Variants in RCN3 observed in about 807,000 individuals in gnomAD.
RCN3 encodes the protein reticulocalbin-3.
RCN3 carries 41 observed loss-of-function variants against 35.9 expected under a neutral mutation model. The observed-to-expected ratio is 1.14, with a 90% CI of 0.89 to 1.48. The LOEUF (loss-of-function observed/expected upper bound fraction) is 1.48, where lower values mean the gene tolerates loss of function less well. Among genes scored for constraint, RCN3 ranks in the 40% most tolerant of loss-of-function variants. The pLI is 0.00. For synonymous variants in RCN3, 187 were observed against 193.4 expected (o/e 0.97, Z 0.27); for missense variants, 451 against 471.3 (o/e 0.96, Z 0.40).
intron 2 of RCN3, among the ~76,000 whole-genome samples, chr19:49,532,017 G>A (rs1295144843): frequency 1.3e-5 from 2 of 151,026 alleles, no homozygotes; most frequent in African/African-American, 4.9e-5. Context: ...TAGCCAGGAT[G>A]GTCTAGATCT....
At chr19:49,534,960 CACA>C (rs1873915159) in intron 3 of RCN3, among the ~76,000 whole-genome samples, 1 of 152,112 alleles carries the variant, frequency 6.6e-6, no homozygotes, top group African/African-American at 2.4e-5. Flanking sequence ...CTCAGTGCCC[CACA>C]CCCTGCCACA....
At chr19:49,540,219 C>G (rs1237358916) in intron 5 of RCN3, among the ~76,000 whole-genome samples, 5 of 152,036 alleles carry the variant, frequency 3.3e-5, no homozygotes, top group African/African-American at 1.2e-4. Context: ...CTATATTGTC[C>G]AGGCTGGTCT....
chr19:49,536,990 T>C lies in RCN3; in HGVS notation c.446-43T>C, dbSNP rs764489326. The C allele has an allele frequency of 8.5e-5, 124 of 1,450,604 alleles. 1 individual carries two copies. Among genetic ancestry groups the C allele is most frequent in the Admixed American group, 1.3e-4 (5 of 39,922 alleles). The allele number at this position is 1,450,604 out of a possible 1,614,324, so 89.9% of individuals were successfully genotyped here. A position where few individuals can be genotyped will look rare whatever the true frequency, so the allele number is the denominator to read the frequency against. ...TCTTTGTTTTAACCTGCTTGGCGTT[T>C]CCTCCATTAAAGCTCATCTCACTGA... On this transcript the variant is annotated intron_variant, in intron 3 of 6. Transcript: ENST00000270645.
intron 2 of RCN3, among the ~76,000 whole-genome samples, chr19:49,532,787 C>T (rs934626057): frequency 3.9e-5 from 6 of 152,166 alleles, no homozygotes; most frequent in Admixed American, 2.6e-4. Context: ...CCAATTCTCC[C>T]GCGTCAGCCT....
At position 49,534,364 on chromosome 19, in the gene RCN3, G is replaced by A; in HGVS notation, c.414G>A (p.Leu138=). 2 of 1,537,642 alleles carry A rather than the reference G, an allele frequency of 1.3e-6. No homozygotes were observed. Among genetic ancestry groups the A allele is most frequent in the Non-Finnish European group, 1.7e-6 (2 of 1,143,446 alleles). The change falls in exon 3 of 7, where the codon CTG becomes CTA. Residue 138 remains leucine (L), a synonymous_variant. Transcript: ENST00000270645. ...ACGGGCGTGTGGGTTGGGAGGAGCTGCGCAACGCCACCTATGGCCACTACG... is the reference window on the plus strand; with the variant it reads ...ACGGGCGTGTGGGTTGGGAGGAGCTACGCAACGCCACCTATGGCCACTACG... ...DRDGRVGWEE[L]RNATYGHYAP... is the part of the protein sequence containing the mutation.
In RCN3 at chr19:49,533,668, G is replaced by A. The variant is rs78707188; in HGVS notation, c.243-525G>A. ...GCTCAGCACAGGGCAGGGCTGGAGG[G>A]AGAGGAGCCTGAAATTGACACGCGC... is the stretch of plus-strand genomic sequence containing the variant. On this transcript the variant is annotated intron_variant, in intron 2 of 6. Transcript: ENST00000270645. 4.3e-3 allele frequency among the ~76,000 whole-genome samples: 645 copies of A among 149,314 alleles called. 7 individuals are homozygous for A. In the East Asian group the frequency reaches 0.053, roughly 12 times the overall value.
At chr19:49,531,542 G>T (rs1449871737) in intron 2 of RCN3, among the ~76,000 whole-genome samples, 1 of 152,166 alleles carries the variant, frequency 6.6e-6, no homozygotes, top group East Asian at 1.9e-4. Flanking sequence ...CTGCGAGGTG[G>T]GGAACAGACT....
chr19:49,538,329 ATTT>A (rs759783862), intron 4 of RCN3, among the ~76,000 whole-genome samples: 117 of 137,424 alleles, frequency 8.5e-4, no homozygotes, highest in African/African-American at 2.5e-3. Flanking sequence ...TGCCCGGCTA[ATTT>A]TTTTTTTTTT....
intron 5 of RCN3, among the ~76,000 whole-genome samples, chr19:49,540,410 G>A (rs1487695855): frequency 2.0e-5 from 3 of 151,976 alleles, no homozygotes; most frequent in African/African-American, 7.2e-5. Flanking sequence ...GAGATGGATG[G>A]ATCATGAAGT....
intron 2 of RCN3, 118 bp downstream of exon 2, chr19:49,528,832 G>A: frequency 7.9e-7 from 1 of 1,264,246 alleles, no homozygotes; most frequent in Non-Finnish European, 1.0e-6. Flanking sequence ...TGTGAGAAAT[G>A]AAATTCTACC....
intron 2 of RCN3, among the ~76,000 whole-genome samples, chr19:49,532,053 G>A (rs1009342970): frequency 9.3e-5 from 14 of 150,070 alleles, no homozygotes; most frequent in African/African-American, 3.0e-4. Flanking sequence ...CACCCACCTC[G>A]GCCTCCCAAA....
chr19:49,528,764 G>T, intron 2 of RCN3, 50 bp downstream of exon 2: 1 of 1,474,190 alleles, frequency 6.8e-7, no homozygotes, highest in Non-Finnish European at 9.0e-7. Flanking sequence ...GCTTAGGAGA[G>T]AGACGCGGGG....
chr19:49,539,102 G>T lies in RCN3; in HGVS notation c.619-17G>T, dbSNP rs2080150692. 6.3e-7 allele frequency: 1 copy of T among 1,583,358 alleles called. No homozygotes were observed. ...AGGGTCATCGGCCCCCAGCCTCAAT[G>T]CCCCTTTCTCCTCCAGGAAACCCTG... On this transcript the variant is annotated splice_polypyrimidine_tract_variant and intron_variant, in intron 4 of 6. Coordinates refer to ENST00000270645, the MANE Select transcript of RCN3 (RefSeq NM_020650.3).
Position 49,542,655 on chromosome 19 carries a change from T to A in RCN3, c.782T>A (p.Leu261Gln). The change falls in exon 6 of 7, where the codon CTG (leucine) becomes CAG (glutamine). Residue 261 changes from leucine to glutamine, a missense_variant. Leu to Gln is a moderately radical substitution (Grantham distance 113). Coordinates refer to ENST00000270645, the MANE Select transcript of RCN3 (RefSeq NM_020650.3). ...DFRDLNKDGH[L>Q]DGSEVGHWVL... ...CGGGATCTGAACAAGGATGGGCACCTGGATGGGAGTGAGGTGGGCCACTGG... is the reference window on the plus strand; with the variant it reads ...CGGGATCTGAACAAGGATGGGCACCAGGATGGGAGTGAGGTGGGCCACTGG... The A allele has an allele frequency of 6.2e-7, 1 of 1,602,978 alleles. No individual in the cohort carries two copies. Among genetic ancestry groups the A allele is most frequent in the Non-Finnish European group, 8.5e-7 (1 of 1,175,946 alleles).
chr19:49,530,326 ATTTTTTT>A (rs774074543), intron 2 of RCN3, among the ~76,000 whole-genome samples: 2 of 132,068 alleles, frequency 1.5e-5, no homozygotes, highest in African/African-American at 5.6e-5. Context: ...CGCCCAGCTA[ATTTTTTT>A]TTTTTTTTTT....
At chr19:49,531,719 G>A (rs1205955220) in intron 2 of RCN3, among the ~76,000 whole-genome samples, 1 of 152,046 alleles carries the variant, frequency 6.6e-6, no homozygotes, top group Admixed American at 6.6e-5. Context: ...AGAAATGGAG[G>A]AAGAAGGGCA....
At position 49,528,598 on chromosome 19, in the gene RCN3, C is replaced by A; in HGVS notation, c.126C>A (p.Asp42Glu). ...GRVHQAAPLS[D>E]APHDDAHGNF... ...TGCACCAGGCGGCCCCCCTGAGCGA[C>A]GCTCCCCATGATGACGCCCACGGGA... Residue 42 changes from aspartate to glutamate, a missense_variant, in exon 2 of 7, where the codon GAC becomes GAA. Coordinates refer to ENST00000270645, the MANE Select transcript of RCN3 (RefSeq NM_020650.3). 1.2e-6 allele frequency: 2 copies of A among 1,610,756 alleles called. No homozygotes were observed. The highest frequency in any genetic ancestry group is 1.7e-4 in the Middle Eastern group (1 of 6,052).
In RCN3 at chr19:49,528,574, G is replaced by A. The variant is rs1171358183; in HGVS notation, c.102G>A (p.Val34=). 1 of 1,607,482 alleles carries A rather than the reference G, an allele frequency of 6.2e-7. No homozygotes were observed. The highest frequency in any genetic ancestry group is 1.7e-5 in the Admixed American group (1 of 59,104). Reference sequence around the variant, plus strand: ...CAGGCCCTCATGGCCAGGGGAGGGTGCACCAGGCGGCCCCCCTGAGCGACG... The same window carrying A: ...CAGGCCCTCATGGCCAGGGGAGGGTACACCAGGCGGCCCCCCTGAGCGACG... The part of the protein sequence containing the change: ...PDAGPHGQGR[V]HQAAPLSDAP... The change falls in exon 2 of 7, where the codon GTG becomes GTA. Residue 34 remains valine, a synonymous_variant. Transcript: ENST00000270645.
At chr19:49,533,724 G>T (rs2080120056) in intron 2 of RCN3, among the ~76,000 whole-genome samples, 1 of 143,134 alleles carries the variant, frequency 7.0e-6, no homozygotes, top group Non-Finnish European at 1.5e-5. Context: ...CATGGGGCGG[G>T]TCGGGGCCTG....
Sources: gnomAD v4.1 joint callset for allele counts (sites outside exome capture counted in the v4.1 genomes callset) on GRCh38, gnomAD v4.1.1 for gene constraint, MANE v1.5 for transcripts, NCBI Gene and HGNC (gene_info 2026-07-23, HGNC 2026-07-21) for gene names.